PDLIM3: variants seen among roughly 807,000 people sequenced by gnomAD.
PDLIM3 encodes PDZ and LIM domain 3.
A neutral mutation model predicts 37.3 loss-of-function variants in PDLIM3; 36 were observed. The observed-to-expected ratio is 0.97, with a 90% CI of 0.74 to 1.28. The LOEUF is 1.28. Ranked by LOEUF, PDLIM3 falls within the 50% of genes most tolerant of loss-of-function variation. The pLI is 0.00. For missense variants in PDLIM3, 454 were observed against 485.0 expected (o/e 0.94, Z 0.60); for synonymous variants, 174 against 182.4 (o/e 0.95, Z 0.37).
intron 1 of PDLIM3, among the ~76,000 whole-genome samples, chr4:185,532,345 A>G (rs371641375): frequency 2.0e-5 from 3 of 152,268 alleles, no homozygotes; most frequent in Middle Eastern, 3.4e-3. Context: ...GGAATGTGCA[A>G]TCTGGTGGGA....
At chr4:185,528,220 A>G (rs1717540332) in intron 1 of PDLIM3, among the ~76,000 whole-genome samples, 1 of 152,218 alleles carries the variant, frequency 6.6e-6, no homozygotes, top group South Asian at 2.1e-4. Flanking sequence ...CTTTTCTTTT[A>G]GCTCTGGTTA....
rs148256486 is a variant in PDLIM3, at chr4:185,506,619, G to A, written c.696C>T (p.Asp232=). 244 of 1,609,026 alleles carry A rather than the reference G, an allele frequency of 1.5e-4. No individual in the cohort carries two copies. The highest frequency in any genetic ancestry group is 2.1e-4 in the South Asian group (19 of 91,092). The part of the protein sequence containing the change: ...EPTASVPPES[D]VYRMLHDNRN... Reference sequence around the variant, plus strand: ...GATTGTCGTGGAGCATCCGGTACACGTCCGACTCGGGGGGCACCGAGGCTG... The same window carrying A: ...GATTGTCGTGGAGCATCCGGTACACATCCGACTCGGGGGGCACCGAGGCTG... Residue 232 remains aspartate, a synonymous_variant, in exon 6 of 8, where the codon GAC becomes GAT. Transcript: ENST00000284767.
intron 7 of PDLIM3, among the ~76,000 whole-genome samples, chr4:185,503,422 T>C (rs1483667126): frequency 6.6e-6 from 1 of 152,196 alleles, no homozygotes; most frequent in African/African-American, 2.4e-5. Context: ...CTCCCTGCCC[T>C]GCTTTGACCT....
At chr4:185,516,839 AC>A (rs1448901650) in intron 3 of PDLIM3, 1 of 152,234 alleles carries the variant, frequency 6.6e-6, no homozygotes, top group African/African-American at 2.4e-5. Flanking sequence ...AGCCTCCTGA[AC>A]CCAAAAAGAA....
At chr4:185,531,479 G>A (rs1362787649) in intron 1 of PDLIM3, among the ~76,000 whole-genome samples, 5 of 152,162 alleles carry the variant, frequency 3.3e-5, no homozygotes, top group Non-Finnish European at 7.3e-5. Context: ...ATAATACAAA[G>A]ATTCATCTGG....
intron 1 of PDLIM3, among the ~76,000 whole-genome samples, chr4:185,531,735 A>G (rs1361791176): frequency 1.3e-5 from 2 of 152,052 alleles, no homozygotes; most frequent in African/African-American, 4.8e-5. Context: ...CGTTTATGGG[A>G]CTTTTTGTGG....
intron 1 of PDLIM3, among the ~76,000 whole-genome samples, chr4:185,533,058 C>G (rs898330718): frequency 1.3e-5 from 2 of 152,056 alleles, no homozygotes; most frequent in African/African-American, 4.8e-5. Flanking sequence ...TGATCATCGG[C>G]GGGTTAATAA....
At position 185,514,050 on chromosome 4, in the gene PDLIM3, C is replaced by A; in HGVS notation, c.398+220G>T. ...TATAAATACACGTGGTGATTGCATA[C>A]AATTTCACAGCTCTGTCATCTTGTC... is the stretch of plus-strand genomic sequence containing the variant. On this transcript the variant is annotated intron_variant, in intron 4 of 7. Transcript: ENST00000284767. The surrounding 1 kb of genome is among the most constrained non-coding windows in gnomAD (Gnocchi z 4.0). 7.0e-7 allele frequency: 1 copy of A among 1,435,952 alleles called. No homozygotes were observed. Among genetic ancestry groups the A allele is most frequent in the African/African-American group, 1.4e-5 (1 of 69,964 alleles). The allele number at this position is 1,435,952 out of a possible 1,614,324, so 89.0% of individuals were successfully genotyped here.
intron 3 of PDLIM3, chr4:185,515,033 T>C: frequency 3.2e-6 from 2 of 623,354 alleles, no homozygotes; most frequent in Non-Finnish European, 2.6e-6. Flanking sequence ...GAGTTAGCCA[T>C]AAACTTTTCC....
At chr4:185,525,684 G>A (rs1413455335) in intron 1 of PDLIM3, among the ~76,000 whole-genome samples, 1 of 152,126 alleles carries the variant, frequency 6.6e-6, no homozygotes, top group Non-Finnish European at 1.5e-5. Flanking sequence ...ATGGTATTTG[G>A]AGGAGGGACT....
rs185442289 is a variant in PDLIM3, at chr4:185,504,350, C to G, written c.905+125G>C. 2.7e-4 allele frequency: 204 copies of G among 751,424 alleles called. No individual in the cohort carries two copies. Among genetic ancestry groups the G allele is most frequent in the Admixed American group, 2.1e-3 (102 of 49,648 alleles). 46.5% of individuals were successfully genotyped at this position (751,424 alleles called of 1,614,324 possible). A position where few individuals can be genotyped will look rare whatever the true frequency, so the allele number is the denominator to read the frequency against. On this transcript the variant is annotated intron_variant, in intron 7 of 7. Transcript: ENST00000284767. The surrounding 1 kb of genome is among the most constrained non-coding windows in gnomAD (Gnocchi z 4.7). The stretch of plus-strand genomic sequence containing the variant: ...AATGTGCTAAATGTTGGGGACCTTA[C>G]GTTTCAAGTTGATGAATAGAAATTT...
intron 1 of PDLIM3, among the ~76,000 whole-genome samples, chr4:185,528,303 A>G (rs2095737732): frequency 6.6e-6 from 1 of 152,240 alleles, no homozygotes. Flanking sequence ...CACACATCTG[A>G]ACAATAGCTT....
intron 5 of PDLIM3, among the ~76,000 whole-genome samples, chr4:185,508,078 T>A (rs1280683119): frequency 6.6e-6 from 1 of 152,214 alleles, no homozygotes; most frequent in Non-Finnish European, 1.5e-5. Flanking sequence ...ATCACCTTTA[T>A]CACCAAGCCT....
At position 185,504,200 on chromosome 4, in the gene PDLIM3, G is replaced by A. The variant is rs184339018; in HGVS notation, c.905+275C>T. On this transcript the variant is annotated intron_variant, in intron 7 of 7. Transcript: ENST00000284767. This position sits in a 1 kb window ranked among gnomAD's most constrained non-coding sequence, Gnocchi z 4.7. Reference sequence around the variant, plus strand: ...TAAAGTGAAGTCTTGATTCTTAGACGTGACTTTTCAACATACATTTGGGCA... The same window carrying A: ...TAAAGTGAAGTCTTGATTCTTAGACATGACTTTTCAACATACATTTGGGCA... 3.2e-4 allele frequency among the ~76,000 whole-genome samples: 49 copies of A among 152,048 alleles called. No homozygotes were observed. The highest frequency in any genetic ancestry group is 1.1e-3 in the African/African-American group (47 of 41,456).
chr4:185,529,737 T>C (rs559584383), intron 1 of PDLIM3, among the ~76,000 whole-genome samples: 1 of 152,366 alleles, frequency 6.6e-6, no homozygotes, highest in South Asian at 2.1e-4. Context: ...TTGAGAACTA[T>C]TATCTCACAT....
At chr4:185,526,428 T>C (rs1052882633) in intron 1 of PDLIM3, among the ~76,000 whole-genome samples, 3 of 152,184 alleles carry the variant, frequency 2.0e-5, no homozygotes, top group Admixed American at 6.5e-5. Flanking sequence ...TGAGATCCAA[T>C]TTTATGCTGT....
At chr4:185,535,204 G>C in intron 1 of PDLIM3, 138 bp downstream of exon 1, 1 of 685,492 alleles carries the variant, frequency 1.5e-6, no homozygotes, top group Non-Finnish European at 2.4e-6. Context: ...GGGCGCCGAA[G>C]CCCGGGAGCC....
intron 3 of PDLIM3, chr4:185,515,712 G>C (rs2095713866): frequency 6.6e-6 from 1 of 152,054 alleles, no homozygotes; most frequent in East Asian, 1.9e-4. Context: ...CCCTGAGTTT[G>C]AAACATGTCT....
At chr4:185,506,081 G>A (rs772483724) in intron 6 of PDLIM3, among the ~76,000 whole-genome samples, 6 of 152,208 alleles carry the variant, frequency 3.9e-5, no homozygotes, top group Non-Finnish European at 7.3e-5. Flanking sequence ...ACCTCCCCAA[G>A]TTCCTGTGAG....
Sources: allele counts gnomAD v4.1 joint callset (sites outside exome capture counted in the v4.1 genomes callset), GRCh38; gene constraint gnomAD v4.1.1; non-coding constraint Gnocchi (gnomAD v3.1); transcripts MANE v1.5; gene names NCBI Gene and HGNC (gene_info 2026-07-23, HGNC 2026-07-21).